AGAP1: variants seen among roughly 807,000 people sequenced by gnomAD.
AGAP1 encodes the protein arf-GAP with GTPase, ANK repeat and PH domain-containing protein 1.
A neutral mutation model predicts 105.3 loss-of-function variants in AGAP1; 29 were observed. The observed-to-expected ratio is 0.28, with a 90% CI of 0.21 to 0.38. The LOEUF (loss-of-function observed/expected upper bound fraction) is 0.38, where lower values mean the gene tolerates loss of function less well. AGAP1 is among the 10% of genes least tolerant of loss of function. The pLI is 1.00. For synonymous variants in AGAP1, 509 were observed against 485.9 expected (o/e 1.05, Z -0.63); for missense variants, 998 against 1,165.1 (o/e 0.86, Z 2.09).
At chr2:235,933,721 C>T (rs753186399) in intron 12 of AGAP1, among the ~76,000 whole-genome samples, 4 of 151,252 alleles carry the variant, frequency 2.6e-5, no homozygotes, top group South Asian at 2.1e-4. Flanking sequence ...TTAGTAGAGA[C>T]GGGGTTTCAC....
intron 9 of AGAP1, among the ~76,000 whole-genome samples, chr2:235,860,748 G>A (rs984135258): frequency 2.0e-5 from 3 of 152,164 alleles, no homozygotes; most frequent in African/African-American, 4.8e-5. Context: ...CTGCTATTCA[G>A]CCGTTCTTTT....
chr2:235,763,282 C>T lies in AGAP1; in HGVS notation c.673+12794C>T, dbSNP rs551026433. Among the ~76,000 whole-genome samples, 6 of 151,474 alleles carry T rather than the reference C, an allele frequency of 4.0e-5. No homozygotes were observed. The East Asian group carries it at 9.7e-4, about 24-fold the overall frequency. On this transcript the variant is annotated intron_variant, in intron 6 of 17. Coordinates refer to ENST00000304032, the MANE Select transcript of AGAP1 (RefSeq NM_001037131.3). Reference sequence around the variant, plus strand: ...TCCAGGTTTTCAGTTTAGGGATGCTCAGCCTGCAAATATTCCACAAAAAAA... The same window carrying T: ...TCCAGGTTTTCAGTTTAGGGATGCTTAGCCTGCAAATATTCCACAAAAAAA...
At chr2:235,844,668 T>C (rs1196487776) in intron 9 of AGAP1, among the ~76,000 whole-genome samples, 6 of 152,128 alleles carry the variant, frequency 3.9e-5, no homozygotes, top group African/African-American at 1.4e-4. Context: ...AGCTTCTGTC[T>C]CATCCACTCC....
At chr2:235,652,250 C>T (rs1357149517) in intron 1 of AGAP1, among the ~76,000 whole-genome samples, 6 of 152,070 alleles carry the variant, frequency 3.9e-5, no homozygotes, top group Non-Finnish European at 8.8e-5. Flanking sequence ...ACTCTGTGGC[C>T]CTGCAACAGG....
chr2:235,508,106 C>T (rs956550695), intron 1 of AGAP1, among the ~76,000 whole-genome samples: 1 of 152,084 alleles, frequency 6.6e-6, no homozygotes, highest in Non-Finnish European at 1.5e-5. Context: ...CTGCACAGGG[C>T]GTGATCTCAT....
Position 235,936,013 on chromosome 2 carries a change from G to A in AGAP1, c.1483+5090G>A, listed in dbSNP as rs539909065. Reference sequence around the variant, plus strand: ...GCTGGCTCCTGCCTGGGCCAGCCTCGTCGGGTGGTCTCAGCTAATGCTGTT... The same window carrying A: ...GCTGGCTCCTGCCTGGGCCAGCCTCATCGGGTGGTCTCAGCTAATGCTGTT... On this transcript the variant is annotated intron_variant, in intron 12 of 17. Transcript: ENST00000304032. The surrounding 1 kb of genome is among the most constrained non-coding windows in gnomAD (Gnocchi z 4.7). Among the ~76,000 whole-genome samples the A allele has an allele frequency of 4.6e-5, 7 of 152,274 alleles. No individual in the cohort carries two copies. In the East Asian group the frequency reaches 5.8e-4, roughly 13 times the overall value.
In AGAP1 at chr2:235,968,705, C is replaced by G. The variant is rs575234612; in HGVS notation, c.1645+82C>G. 9.2e-6 allele frequency: 13 copies of G among 1,419,102 alleles called. No homozygotes were observed. The East Asian group carries it at 2.8e-4, about 31-fold the overall frequency. The allele number at this position is 1,419,102 out of a possible 1,614,324, so 87.9% of individuals were successfully genotyped here. On this transcript the variant is annotated intron_variant, in intron 13 of 17. Transcript: ENST00000304032. ...TTTTTCAAATGCGTGAAATTAGACA[C>G]CCTTAGCACAACAAATGCACAGTAA...
intron 6 of AGAP1, among the ~76,000 whole-genome samples, chr2:235,795,312 G>C (rs373098870): frequency 1.3e-5 from 2 of 152,150 alleles, no homozygotes; most frequent in East Asian, 1.9e-4. Context: ...ATTCCACCCC[G>C]TCCCTGGGAC....
At position 235,891,139 on chromosome 2, in the gene AGAP1, C is replaced by A. The variant is rs1376408602; in HGVS notation, c.1155+7690C>A. On this transcript the variant is annotated intron_variant, in intron 10 of 17. Coordinates refer to ENST00000304032, the MANE Select transcript of AGAP1 (RefSeq NM_001037131.3). The surrounding 1 kb of genome is among the most constrained non-coding windows in gnomAD (Gnocchi z 4.2). ...GGTGCAGGACTTTCATAGCTAACAT[C>A]AGGGAAGTCCCAGGCAATCTGGGAC... 6.6e-6 allele frequency among the ~76,000 whole-genome samples: 1 copy of A among 152,130 alleles called. No individual in the cohort carries two copies.
At chr2:235,852,927 C>G in intron 9 of AGAP1, 2 of 1,306,410 alleles carry the variant, frequency 1.5e-6, no homozygotes, top group Non-Finnish European at 2.0e-6. Flanking sequence ...GTCCTGACTT[C>G]AGCGCATCTC....
At chr2:235,587,412 T>C (rs528616060) in intron 1 of AGAP1, among the ~76,000 whole-genome samples, 4 of 152,284 alleles carry the variant, frequency 2.6e-5, no homozygotes, top group Admixed American at 2.6e-4. Flanking sequence ...ATGCTCACCA[T>C]GTGCTGGGTG....
At chr2:235,703,762 A>G (rs953983696) in intron 1 of AGAP1, among the ~76,000 whole-genome samples, 1 of 151,836 alleles carries the variant, frequency 6.6e-6, no homozygotes, top group Non-Finnish European at 1.5e-5. Flanking sequence ...ATGCCCGGCT[A>G]ATTTTTGTAT....
chr2:235,710,278 T>C (rs1348670574), intron 2 of AGAP1, among the ~76,000 whole-genome samples: 3 of 152,190 alleles, frequency 2.0e-5, no homozygotes, highest in East Asian at 1.9e-4. Flanking sequence ...GATGAGGAGA[T>C]AGAGCAACAA....
rs375166596 is a variant in AGAP1 at position 235,908,720 on chromosome 2, G to T, written c.1156-18G>T. ...TTTTTTTTTTTTATCTCTCTTGGATGTTTAACATTTTCAACAGGATTACAT... is the reference window on the plus strand; with the variant it reads ...TTTTTTTTTTTTATCTCTCTTGGATTTTTAACATTTTCAACAGGATTACAT... On this transcript the variant is annotated intron_variant, in intron 10 of 17. Coordinates refer to ENST00000304032, the MANE Select transcript of AGAP1 (RefSeq NM_001037131.3). The surrounding 1 kb of genome is among the most constrained non-coding windows in gnomAD (Gnocchi z 4.4). 9.0e-5 allele frequency: 140 copies of T among 1,551,396 alleles called. No individual in the cohort carries two copies. In the Middle Eastern group the frequency reaches 5.2e-3, roughly 58 times the overall value.
chr2:235,658,954 C>T (rs868847028), intron 1 of AGAP1, among the ~76,000 whole-genome samples: 3 of 152,146 alleles, frequency 2.0e-5, no homozygotes, highest in Non-Finnish European at 2.9e-5. Context: ...TCTCTCTGCC[C>T]TCCCTCCTCC....
In AGAP1 at chr2:235,716,853, G is replaced by T. The variant is rs544083068; in HGVS notation, c.223-704G>T. 2.6e-5 allele frequency among the ~76,000 whole-genome samples: 4 copies of T among 152,168 alleles called. No individual in the cohort carries two copies. In the South Asian group the frequency reaches 6.2e-4, roughly 24 times the overall value. On this transcript the variant is annotated intron_variant, in intron 2 of 17. Coordinates refer to ENST00000304032, the MANE Select transcript of AGAP1 (RefSeq NM_001037131.3). This position sits in a 1 kb window ranked among gnomAD's most constrained non-coding sequence, Gnocchi z 4.0. ...AAGTCAGCCTTGCCGCCAGGTTACT[G>T]CTAGGACAGAGGCCCTCATGTCACC...
rs1245637138 is a variant in AGAP1, at chr2:235,963,697, G to A, written c.1484-4765G>A. On this transcript the variant is annotated intron_variant, in intron 12 of 17. Coordinates refer to ENST00000304032, the MANE Select transcript of AGAP1 (RefSeq NM_001037131.3). This position sits in a 1 kb window ranked among gnomAD's most constrained non-coding sequence, Gnocchi z 5.1. ...ATGTTAAGGTGGGAAGCTCTATCTT[G>A]ACTCCACCCTGTTCACCATCTTTTT... Among the ~76,000 whole-genome samples the A allele has an allele frequency of 6.6e-6, 1 of 152,144 alleles. No homozygotes were observed. Among genetic ancestry groups the A allele is most frequent in the Non-Finnish European group, 1.5e-5 (1 of 68,028 alleles).
rs143910885 is a variant in AGAP1 at position 236,119,672 on chromosome 2, C to G, written c.2115-520C>G. Among the ~76,000 whole-genome samples, 2 of 151,882 alleles carry G rather than the reference C, an allele frequency of 1.3e-5. No homozygotes were observed. Among genetic ancestry groups the G allele is most frequent in the East Asian group, 2.0e-4 (1 of 5,126 alleles). On this transcript the variant is annotated intron_variant, in intron 16 of 17. Coordinates refer to ENST00000304032, the MANE Select transcript of AGAP1 (RefSeq NM_001037131.3). This position sits in a 1 kb window ranked among gnomAD's most constrained non-coding sequence, Gnocchi z 6.6. ...ACTCTCGGCCCCAGAGACCATGCTT[C>G]CATCGTGCGGTCCGTGCTCTCGGCC...
rs149206400 is a variant in AGAP1, at chr2:235,986,221, CTT to C, written c.1645+17600_1645+17601del. On this transcript the variant is annotated intron_variant, in intron 13 of 17. Transcript: ENST00000304032. ...GTTGTATTCCCAGGTATTTTATTGT[CTT>C]TGTAGAGATTGTGAATGAGAGTTGA... 7.9e-3 allele frequency among the ~76,000 whole-genome samples: 1,195 copies of C among 152,150 alleles called. 17 individuals carry two copies. The highest frequency in any genetic ancestry group is 0.027 in the African/African-American group (1,130 of 41,504).
Sources: gnomAD v4.1 joint callset for allele counts (sites outside exome capture counted in the v4.1 genomes callset) on GRCh38, gnomAD v4.1.1 for gene constraint, Gnocchi (gnomAD v3.1) non-coding constraint, MANE v1.5 for transcripts, NCBI Gene and HGNC (gene_info 2026-07-23, HGNC 2026-07-21) for gene names.